The following RASA3 variants were observed in gnomAD, a reference collection of about 807,000 sequenced individuals.
RASA3 encodes ras GTPase-activating protein 3.
A neutral mutation model predicts 110.0 loss-of-function variants in RASA3; 73 were observed. That is an observed-to-expected ratio of 0.66 (90% CI 0.55 to 0.81). The LOEUF is 0.81. Among genes scored for constraint, RASA3 ranks in the 30% least tolerant of loss-of-function variants. The probability of loss-of-function intolerance (pLI) is 0.00; values close to 1 mark genes in which losing one functional copy is unlikely to be tolerated. For synonymous variants in RASA3, 500 were observed against 451.4 expected, an observed-to-expected ratio of 1.11 and a Z score of -1.37; for missense variants, 976 against 1,113.2, an observed-to-expected ratio of 0.88 and a Z score of 1.75.
chr13:113,979,634 G>A lies in RASA3; in HGVS notation c.2430-212C>T, dbSNP rs370922372. 1.1e-4 allele frequency among the ~76,000 whole-genome samples: 16 copies of A among 152,296 alleles called. No homozygotes were observed. In the East Asian group the frequency reaches 2.9e-3, roughly 28 times the overall value. The stretch of plus-strand genomic sequence containing the variant: ...AGGTGGGTCAGGCGTGCAAGTACAT[G>A]TGCACGTGTGCTCTCCCTGTGGCAC... On this transcript the variant is annotated intron_variant, in intron 23 of 23. Transcript: ENST00000334062.
chr13:114,021,770 TTAGA>T (rs2053931872), intron 8 of RASA3, among the ~76,000 whole-genome samples: 2 of 152,180 alleles, frequency 1.3e-5, no homozygotes, highest in South Asian at 2.1e-4. Flanking sequence ...ACCCAGGCTC[TTAGA>T]TAGGAGGGAG....
At chr13:114,130,284 G>A (rs368030916) in intron 1 of RASA3, among the ~76,000 whole-genome samples, 2 of 152,320 alleles carry the variant, frequency 1.3e-5, no homozygotes, top group Non-Finnish European at 1.5e-5. Flanking sequence ...GAGAGGAAAC[G>A]GGGACTTCTT....
rs372821403 is a variant in RASA3 at position 114,018,924 on chromosome 13, G to C, written c.786-5C>G. The C allele has an allele frequency of 1.9e-6, 3 of 1,613,378 alleles. No individual in the cohort carries two copies. Among genetic ancestry groups the C allele is most frequent in the Non-Finnish European group, 2.5e-6 (3 of 1,179,960 alleles). Reference sequence around the variant, plus strand: ...TCCCGGGGCTGGAGGAAGTACCTGGGTGGGAGGGACACATGGAGGGGAGGC... The same window carrying C: ...TCCCGGGGCTGGAGGAAGTACCTGGCTGGGAGGGACACATGGAGGGGAGGC... On this transcript the variant is annotated splice_region_variant and splice_polypyrimidine_tract_variant and intron_variant, in intron 9 of 23. Transcript: ENST00000334062.
chr13:114,124,441 G>T (rs1344762788), intron 1 of RASA3, among the ~76,000 whole-genome samples: 7 of 152,234 alleles, frequency 4.6e-5, no homozygotes, highest in Non-Finnish European at 8.8e-5. Flanking sequence ...CACTTCCGGG[G>T]ATCCAGGCCC....
chr13:114,015,518 C>T (rs754328359), intron 13 of RASA3, among the ~76,000 whole-genome samples, 186 bp from the exon 14 acceptor site: 4 of 152,224 alleles, frequency 2.6e-5, no homozygotes, highest in East Asian at 1.9e-4. Context: ...GCAATTCACG[C>T]GTGAAAATCA....
At chr13:114,054,145 A>T (rs1338235066) in intron 2 of RASA3, among the ~76,000 whole-genome samples, 2 of 152,206 alleles carry the variant, frequency 1.3e-5, no homozygotes, top group East Asian at 3.8e-4. Context: ...AATAAAAATT[A>T]AAAAAATAAA....
chr13:114,032,069 CA>C (rs2139403977), intron 4 of RASA3, among the ~76,000 whole-genome samples: 1 of 152,226 alleles, frequency 6.6e-6, no homozygotes, highest in Non-Finnish European at 1.5e-5. Flanking sequence ...AAATAATAGC[CA>C]AAAAATTAGT....
chr13:113,999,475 G>A (rs906032127), intron 20 of RASA3, 110 bp downstream of exon 20: 5 of 810,264 alleles, frequency 6.2e-6, no homozygotes, highest in Non-Finnish European at 1.1e-5. Flanking sequence ...TGAGAAGCCT[G>A]GAGTGCAGTG....
chr13:114,015,483 C>T, intron 13 of RASA3, 151 bp from the exon 14 acceptor site: 1 of 942,406 alleles, frequency 1.1e-6, no homozygotes, highest in Non-Finnish European at 1.6e-6. Flanking sequence ...CAGCCACTCC[C>T]TGGAAATCTG....
intron 18 of RASA3, among the ~76,000 whole-genome samples, chr13:114,004,432 C>A (rs1392537143): frequency 6.6e-6 from 1 of 151,844 alleles, no homozygotes; most frequent in African/African-American, 2.4e-5. Context: ...AGACGTTTTT[C>A]AGAAGACAAA....
At chr13:114,036,866 G>A (rs1238219675) in intron 4 of RASA3, among the ~76,000 whole-genome samples, 1 of 152,220 alleles carries the variant, frequency 6.6e-6, no homozygotes, top group Admixed American at 6.5e-5. Flanking sequence ...GTTGGCTGGA[G>A]TCCAGCAGGG....
intron 19 of RASA3, among the ~76,000 whole-genome samples, chr13:114,000,415 A>G (rs1337270171): frequency 1.3e-5 from 2 of 152,104 alleles, no homozygotes; most frequent in Admixed American, 6.5e-5. Context: ...CATGGGAGAA[A>G]CTGCTAGATA....
chr13:114,107,648 G>A (rs1263932120), intron 1 of RASA3: 1 of 152,244 alleles, frequency 6.6e-6, no homozygotes, highest in Non-Finnish European at 1.5e-5. Context: ...GTGTCTAGGG[G>A]AGCCCATTCC....
intron 21 of RASA3, among the ~76,000 whole-genome samples, chr13:113,992,852 T>C (rs946511360): frequency 3.3e-5 from 5 of 152,202 alleles, no homozygotes; most frequent in African/African-American, 9.6e-5. Flanking sequence ...TCAGTTACCA[T>C]TGGCCTATTT....
intron 2 of RASA3, among the ~76,000 whole-genome samples, chr13:114,055,128 G>A (rs553198338): frequency 2.0e-3 from 303 of 152,076 alleles, no homozygotes; most frequent in African/African-American, 7.0e-3. Flanking sequence ...AGGCAGGTGT[G>A]CATGTTCATG....
chr13:113,978,542 G>A lies in RASA3; in HGVS notation c.*805C>T, dbSNP rs971706067. ...ATTTTTAAAATCTTCAAACTTCCACGGGGGGTGGCAAATGTTAATTCTGAT... is the reference window on the plus strand; with the variant it reads ...ATTTTTAAAATCTTCAAACTTCCACAGGGGGTGGCAAATGTTAATTCTGAT... On this transcript the variant is annotated 3_prime_UTR_variant, in exon 24 of 24. Transcript: ENST00000334062. The A allele has an allele frequency of 2.0e-5, 3 of 152,150 alleles. No homozygotes were observed. The highest frequency in any genetic ancestry group is 2.9e-5 in the Non-Finnish European group (2 of 68,026). 9.4% of individuals were successfully genotyped at this position (152,150 alleles called of 1,614,324 possible).
intron 19 of RASA3, among the ~76,000 whole-genome samples, chr13:114,000,139 G>A (rs2139158088): frequency 8.1e-6 from 1 of 123,536 alleles, no homozygotes; most frequent in Admixed American, 7.8e-5. Flanking sequence ...TCTGCTGGGG[G>A]GGGTCTCTGT....
intron 23 of RASA3, among the ~76,000 whole-genome samples, chr13:113,980,026 A>T (rs1371722701): frequency 2.4e-5 from 3 of 126,642 alleles, no homozygotes; most frequent in Non-Finnish European, 4.9e-5. Context: ...CCACGTGTGC[A>T]CCTGTGTGTG....
At chr13:114,066,903 C>G (rs1566545529) in intron 2 of RASA3, among the ~76,000 whole-genome samples, 2 of 151,134 alleles carry the variant, frequency 1.3e-5, no homozygotes, top group South Asian at 4.2e-4. Flanking sequence ...TGAGGATGGG[C>G]CCCCACCTGG....
Sources: allele counts gnomAD v4.1 joint callset (sites outside exome capture counted in the v4.1 genomes callset), GRCh38; gene constraint gnomAD v4.1.1; transcripts MANE v1.5; gene names NCBI Gene and HGNC (gene_info 2026-07-23, HGNC 2026-07-21).